Variants in MCF2 observed in about 807,000 individuals in gnomAD.
The protein encoded by MCF2 is MCF.2 cell line derived transforming sequence, also known as proto-oncogene DBL.
In MCF2, 44 loss-of-function variants were observed where a neutral mutation model predicts 82.5. The observed-to-expected ratio is 0.53, with a 90% confidence interval of 0.42 to 0.69. The LOEUF (loss-of-function observed/expected upper bound fraction) is 0.69. Among genes scored for constraint, MCF2 ranks in the 30% least tolerant of loss-of-function variants. The pLI is 0.00. For missense variants in MCF2, 623 were observed against 663.1 expected, an observed-to-expected ratio of 0.94 and a Z score of 0.66; for synonymous variants, 217 against 224.9, an observed-to-expected ratio of 0.96 and a Z score of 0.32.
At chrX:139,621,305 A>G (rs1318608365) in intron 6 of MCF2, among the ~76,000 whole-genome samples, 1 of 111,990 alleles carries the variant, frequency 8.9e-6, no homozygotes, top group Non-Finnish European at 1.9e-5. Context: ...ATTTATGACT[A>G]AAATTTCAAA....
chrX:139,617,590 C>T (rs1276173180), exon 8 of MCF2: 1 of 1,199,947 alleles, frequency 8.3e-7, no homozygotes, highest in Non-Finnish European at 1.1e-6. Context: ...ACCAAAATAT[C>T]AGAAAGGTAA....
chrX:139,630,867 A>G (rs1215245479), intron 3 of MCF2, among the ~76,000 whole-genome samples: 1 of 112,041 alleles, frequency 8.9e-6, no homozygotes, highest in Non-Finnish European at 1.9e-5. Context: ...TCACTAGAAT[A>G]ATGAGATTAA....
chrX:139,590,789 G>T (rs992743891), intron 19 of MCF2, among the ~76,000 whole-genome samples: 3 of 109,925 alleles, frequency 2.7e-5, no homozygotes, highest in African/African-American at 9.9e-5. Flanking sequence ...CCCCCAAATG[G>T]CCCTTATTAG....
intron 1 of MCF2, among the ~76,000 whole-genome samples, chrX:139,674,028 A>C (rs899359928): frequency 3.6e-5 from 4 of 111,972 alleles, no homozygotes; most frequent in Non-Finnish European, 7.5e-5. Flanking sequence ...TCTTTAGGAT[A>C]GTTAGCTCTT....
chrX:139,642,930 T>C, upstream of MCF2: 1 of 559,017 alleles, frequency 1.8e-6, no homozygotes, highest in Admixed American at 7.0e-5. Context: ...CAGTTTGATT[T>C]TTAAGGTGGA....
At chrX:139,602,222 A>G (rs1930609356) in intron 16 of MCF2, among the ~76,000 whole-genome samples, 184 bp downstream of exon 20, 1 of 110,809 alleles carries the variant, frequency 9.0e-6, no homozygotes, top group Non-Finnish European at 1.9e-5. Flanking sequence ...AAGTGCTGAA[A>G]GTGTTTGCCT....
chrX:139,692,166 GC>G (rs1935286658), intron 1 of MCF2: 1 of 1,035,890 alleles, frequency 9.7e-7, no homozygotes, highest in Non-Finnish European at 1.3e-6. Flanking sequence ...GTAGGGCCGG[GC>G]CCCTGCCGCT....
At chrX:139,595,170 G>A (rs1929943858) in intron 19 of MCF2, among the ~76,000 whole-genome samples, 1 of 108,218 alleles carries the variant, frequency 9.2e-6, no homozygotes, top group Non-Finnish European at 1.9e-5. Context: ...TCAGTGTGGC[G>A]ATTCCTCAGG....
intron 1 of MCF2, among the ~76,000 whole-genome samples, chrX:139,685,841 G>A (rs771033912): frequency 1.8e-5 from 2 of 111,244 alleles, no homozygotes; most frequent in South Asian, 7.6e-4. Flanking sequence ...TTGATAAACA[G>A]AGATGCAAAA....
chrX:139,628,171 A>G (rs1397837190), intron 4 of MCF2, among the ~76,000 whole-genome samples: 3 of 111,660 alleles, frequency 2.7e-5, no homozygotes, highest in Non-Finnish European at 3.8e-5. Context: ...AGACACATGC[A>G]CTCATACGTC....
intron 2 of MCF2, among the ~76,000 whole-genome samples, chrX:139,651,366 G>A (rs1188247448): frequency 9.0e-6 from 1 of 111,031 alleles, no homozygotes; most frequent in Non-Finnish European, 1.9e-5. Context: ...AGTAATCAAA[G>A]AAGCTACCTC....
At chrX:139,655,207 C>A (rs779664990) in intron 1 of MCF2, among the ~76,000 whole-genome samples, 79 of 111,842 alleles carry the variant, frequency 7.1e-4, no homozygotes, top group Non-Finnish European at 1.2e-3. Context: ...GAGATTGCAT[C>A]GAATCTGTAA....
rs988679036 is a variant in MCF2 at position 139,614,900 on chromosome X, T to C, written c.1344A>G (p.Pro448=). Residue 448 remains proline (P), a synonymous_variant, in exon 10 of 25, where the codon CCA becomes CCG. Coordinates refer to ENST00000370576, the Ensembl canonical transcript of MCF2. ...TTTTACCTTGTTTAGATGAAAAAAA[T>C]GGTGTCCCAGATGTGACCAAATTTT... 34 of 1,204,646 alleles carry C rather than the reference T, an allele frequency of 2.8e-5. No individual in the cohort carries two copies. The East Asian group carries it at 9.8e-4, about 35-fold the overall frequency.
intron 1 of MCF2, among the ~76,000 whole-genome samples, chrX:139,662,948 C>A (rs924588171): frequency 8.9e-6 from 1 of 112,036 alleles, no homozygotes; most frequent in African/African-American, 3.2e-5. Flanking sequence ...CCTACAGTTT[C>A]ATCCATGTTG....
At chrX:139,697,882 G>A (rs1935414258) in intron 1 of MCF2, among the ~76,000 whole-genome samples, 1 of 112,538 alleles carries the variant, frequency 8.9e-6, no homozygotes, top group Admixed American at 9.4e-5. Context: ...GCTCACGCCT[G>A]TAATCCCAGT....
chrX:139,634,817 C>A (rs1324630948), intron 1 of MCF2, among the ~76,000 whole-genome samples: 1 of 111,601 alleles, frequency 9.0e-6, no homozygotes, highest in African/African-American at 3.3e-5. Flanking sequence ...TGATTAGGGC[C>A]AGACATGGTG....
intron 11 of MCF2, 33 bp from the exon 16 acceptor site, chrX:139,607,812 C>T (rs751171724): frequency 1.0e-6 from 1 of 975,143 alleles, no homozygotes. Context: ...TAAATTAGCA[C>T]CTCTGTAGGT....
chrX:139,666,325 T>G (rs892618756), intron 1 of MCF2, among the ~76,000 whole-genome samples: 1 of 109,739 alleles, frequency 9.1e-6, no homozygotes, highest in Admixed American at 9.8e-5. Flanking sequence ...ATTATGGTAG[T>G]AAATGTATGT....
intron 1 of MCF2, among the ~76,000 whole-genome samples, chrX:139,679,721 TA>T (rs1159905960): frequency 2.7e-5 from 3 of 110,566 alleles, no homozygotes; most frequent in Non-Finnish European, 5.7e-5. Context: ...AATGAAAAAA[TA>T]AAAAGGTTTT....
Sources: allele counts gnomAD v4.1 joint callset (sites outside exome capture counted in the v4.1 genomes callset), GRCh38; gene constraint gnomAD v4.1.1; transcripts MANE v1.5; gene names NCBI Gene and HGNC (gene_info 2026-07-23, HGNC 2026-07-21).